GABBR1: variants seen among roughly 807,000 people sequenced by gnomAD.
GABBR1 encodes GABA-B receptor, R1 subunit.
Under a neutral mutation model 117.7 loss-of-function variants are expected in GABBR1, and 35 were observed. The ratio of observed to expected loss-of-function variants is 0.30; its 90% CI spans 0.23 to 0.39. GABBR1 has a LOEUF of 0.39. Among genes scored for constraint, GABBR1 ranks in the 10% least tolerant of loss-of-function variants. GABBR1 has a pLI of 1.00. For synonymous variants in GABBR1, 442 were observed against 486.6 expected (o/e 0.91, Z 1.21); for missense variants, 709 against 1,241.8 (o/e 0.57, Z 6.45).
Position 29,631,871 on chromosome 6 carries a change from A to G in GABBR1, c.86-272T>C, listed in dbSNP as rs1021979839. On this transcript the variant is annotated intron_variant, in intron 2 of 22. Transcript: ENST00000377034. This position sits in a 1 kb window ranked among gnomAD's most constrained non-coding sequence, Gnocchi z 5.9. ...GTGGAGGTAAGAAAGAAAAGTAATTAAGAAATCATGAAGGGTATGATATGT... is the reference window on the plus strand; with the variant it reads ...GTGGAGGTAAGAAAGAAAAGTAATTGAGAAATCATGAAGGGTATGATATGT... Among the ~76,000 whole-genome samples the G allele has an allele frequency of 1.3e-5, 2 of 151,932 alleles. No homozygotes were observed. Among genetic ancestry groups the G allele is most frequent in the Non-Finnish European group, 2.9e-5 (2 of 67,998 alleles).
At chr6:29,617,167 A>G (rs1763224151) in intron 11 of GABBR1, among the ~76,000 whole-genome samples, 1 of 152,066 alleles carries the variant, frequency 6.6e-6, no homozygotes, top group Non-Finnish European at 1.5e-5. Context: ...ATGTATAAAA[A>G]TGCTGGGTAT....
At position 29,602,581 on chromosome 6, in the gene GABBR1, G is replaced by T. The variant is rs560650788; in HGVS notation, c.*962C>A. The T allele has an allele frequency of 1.1e-5, 2 of 184,294 alleles. No individual in the cohort carries two copies. Among genetic ancestry groups the T allele is most frequent in the South Asian group, 2.1e-4 (2 of 9,438 alleles). The allele number at this position is 184,294 out of a possible 1,614,324, so 11.4% of individuals were successfully genotyped here. ...CTGTGACAAGGAGAGGGTGTGGATGGCCCCACCAAACATGAATTGGGGAAA... is the reference window on the plus strand; with the variant it reads ...CTGTGACAAGGAGAGGGTGTGGATGTCCCCACCAAACATGAATTGGGGAAA... On this transcript the variant is annotated 3_prime_UTR_variant, in exon 23 of 23. Coordinates refer to ENST00000377034, the MANE Select transcript of GABBR1 (RefSeq NM_001470.4).
rs1763596761 is a variant in GABBR1, at chr6:29,620,111, G to C, written c.1323+990C>G. On this transcript the variant is annotated intron_variant, in intron 11 of 22. Transcript: ENST00000377034. The surrounding 1 kb of genome is among the most constrained non-coding windows in gnomAD (Gnocchi z 4.5). ...GCAGTTTGGAGCCAGATTTAACTAG[G>C]ATTCAATTCCAGCTGGACTGCTGAG... Among the ~76,000 whole-genome samples the C allele has an allele frequency of 6.6e-6, 1 of 152,176 alleles. No individual in the cohort carries two copies. The highest frequency in any genetic ancestry group is 2.1e-4 in the South Asian group (1 of 4,828).
chr6:29,603,136 A>T lies in GABBR1; in HGVS notation c.*407T>A, dbSNP rs1761547177. ...GAGGCCCCTTTGGGGTGGAAAGAGC[A>T]CTTGTTGGGAGACCCCTGCTGGACA... On this transcript the variant is annotated 3_prime_UTR_variant, in exon 23 of 23. Transcript: ENST00000377034. 2.1e-6 allele frequency: 1 copy of T among 468,026 alleles called. No individual in the cohort carries two copies. The highest frequency in any genetic ancestry group is 2.0e-5 in the African/African-American group (1 of 50,504). The allele number at this position is 468,026 out of a possible 1,614,324, so 29.0% of individuals were successfully genotyped here. A position where few individuals can be genotyped will look rare whatever the true frequency, so the allele number is the denominator to read the frequency against.
chr6:29,622,083 C>T lies in GABBR1; in HGVS notation c.1065+21G>A, dbSNP rs944780165. On this transcript the variant is annotated intron_variant, in intron 9 of 22. Transcript: ENST00000377034. This position sits in a 1 kb window ranked among gnomAD's most constrained non-coding sequence, Gnocchi z 4.6. ...GCTTGGTCCCTCCGTAAACAGAGCCCACCACTCCCAGCCATCTGACCTTCA... is the reference window on the plus strand; with the variant it reads ...GCTTGGTCCCTCCGTAAACAGAGCCTACCACTCCCAGCCATCTGACCTTCA... The T allele has an allele frequency of 1.3e-6, 2 of 1,598,162 alleles. No individual in the cohort carries two copies. Among genetic ancestry groups the T allele is most frequent in the Middle Eastern group, 1.8e-4 (1 of 5,664 alleles).
In GABBR1 at chr6:29,607,391, G is replaced by A. The variant is rs1051063433; in HGVS notation, c.1993-173C>T. On this transcript the variant is annotated intron_variant, in intron 16 of 22. Transcript: ENST00000377034. The surrounding 1 kb of genome is among the most constrained non-coding windows in gnomAD (Gnocchi z 5.0). ...GACGGGGAGCGGCAGGAGGAGAGCAGTCTCCCCACCTTGAACAATTCCTCC... is the reference window on the plus strand; with the variant it reads ...GACGGGGAGCGGCAGGAGGAGAGCAATCTCCCCACCTTGAACAATTCCTCC... Among the ~76,000 whole-genome samples, 3 of 152,104 alleles carry A rather than the reference G, an allele frequency of 2.0e-5. No individual in the cohort carries two copies. The highest frequency in any genetic ancestry group is 4.4e-5 in the Non-Finnish European group (3 of 68,008).
rs959650230 is a variant in GABBR1 at position 29,627,219 on chromosome 6, C to G, written c.657+267G>C. Among the ~76,000 whole-genome samples the G allele has an allele frequency of 2.0e-5, 3 of 152,208 alleles. No individual in the cohort carries two copies. Among genetic ancestry groups the G allele is most frequent in the African/African-American group, 4.8e-5 (2 of 41,456 alleles). ...CCACCAGTTTCTCCAAACCCCGACA[C>G]TTCTGCGAGACTCCCGCAGCGGGGC... On this transcript the variant is annotated intron_variant, in intron 6 of 22. Transcript: ENST00000377034. The surrounding 1 kb of genome is among the most constrained non-coding windows in gnomAD (Gnocchi z 4.4).
chr6:29,603,568 C>CTCCCATCACA lies in GABBR1; in HGVS notation c.2851_2860dup (p.Ser954MetfsTer2). ...TCACTTATAAAGCAAATGCACTCGA[C>CTCCCATCACA]TCCCATCACAGCTAAGCCGGTCGGG... On this transcript the variant is annotated stop_gained and frameshift_variant, in exon 23 of 23. Coordinates refer to ENST00000377034, the MANE Select transcript of GABBR1 (RefSeq NM_001470.4). LOFTEE classifies it high-confidence loss of function. 1 of 1,590,212 alleles carries CTCCCATCACA rather than the reference C, an allele frequency of 6.3e-7. No individual in the cohort carries two copies. The highest frequency in any genetic ancestry group is 8.6e-7 in the Non-Finnish European group (1 of 1,168,812).
chr6:29,616,874 G>A lies in GABBR1; in HGVS notation c.1324-3389C>T, dbSNP rs543699232. ...AAAAAAAAAAAAAAAAAGGCTGGGCGCGGTGGCTCACGCCTGTAATCCCAG... is the reference window on the plus strand; with the variant it reads ...AAAAAAAAAAAAAAAAAGGCTGGGCACGGTGGCTCACGCCTGTAATCCCAG... On this transcript the variant is annotated intron_variant, in intron 11 of 22. Transcript: ENST00000377034. 8.3e-4 allele frequency among the ~76,000 whole-genome samples: 123 copies of A among 147,984 alleles called. 1 individual carries two copies. Among genetic ancestry groups the A allele is most frequent in the Admixed American group, 3.5e-3 (51 of 14,740 alleles).
Position 29,624,000 on chromosome 6 carries a change from A to G in GABBR1, c.682T>C (p.Tyr228His). 3 of 1,612,768 alleles carry G rather than the reference A, an allele frequency of 1.9e-6. No individual in the cohort carries two copies. Among genetic ancestry groups the G allele is most frequent in the Non-Finnish European group, 2.5e-6 (3 of 1,179,818 alleles). ...SKCDPGQATK[Y>H]LYELLYNDPI... ...TCGTTGTAGAGCAGCTCATATAGGT[A>G]CTTGGTGGCTTGGCCTGGATCACAC... Residue 228 changes from tyrosine to histidine, a missense_variant, in exon 7 of 23, where the codon TAC becomes CAC. By Grantham distance (83) the Tyr-to-His change is moderately conservative. Around this residue, in one of 9 missense-constraint regions of GABBR1, gnomAD observed 192 missense variants for 418.4 expected, o/e 0.46. Coordinates refer to ENST00000377034, the MANE Select transcript of GABBR1 (RefSeq NM_001470.4). The surrounding 1 kb of genome is among the most constrained non-coding windows in gnomAD (Gnocchi z 6.2).
Position 29,621,677 on chromosome 6 carries a change from G to T in GABBR1, c.1131+75C>A. ...ATATGCTATCAACTCAGGCACAGATGCCAAGAGGAGGCCCCACAAGAAAAC... is the reference window on the plus strand; with the variant it reads ...ATATGCTATCAACTCAGGCACAGATTCCAAGAGGAGGCCCCACAAGAAAAC... On this transcript the variant is annotated intron_variant, in intron 10 of 22. Coordinates refer to ENST00000377034, the MANE Select transcript of GABBR1 (RefSeq NM_001470.4). The surrounding 1 kb of genome is among the most constrained non-coding windows in gnomAD (Gnocchi z 5.0). 7.8e-7 allele frequency: 1 copy of T among 1,277,242 alleles called. No individual in the cohort carries two copies. The highest frequency in any genetic ancestry group is 1.1e-6 in the Non-Finnish European group (1 of 874,086). 79.1% of individuals were successfully genotyped at this position (1,277,242 alleles called of 1,614,324 possible).
rs771806546 is a variant in GABBR1 at position 29,603,465 on chromosome 6, C to G, written c.*78G>C. The G allele has an allele frequency of 4.6e-5, 59 of 1,273,034 alleles. No homozygotes were observed. The highest frequency in any genetic ancestry group is 6.2e-5 in the Non-Finnish European group (55 of 894,274). 78.9% of individuals were successfully genotyped at this position (1,273,034 alleles called of 1,614,324 possible). Reference sequence around the variant, plus strand: ...TGTTCTTCCCAGCTGGGGATGGGGACCCCCTGCTTCCTGAGTCCCCTGCCC... The same window carrying G: ...TGTTCTTCCCAGCTGGGGATGGGGAGCCCCTGCTTCCTGAGTCCCCTGCCC... On this transcript the variant is annotated 3_prime_UTR_variant, in exon 23 of 23. Transcript: ENST00000377034.
At position 29,604,484 on chromosome 6, in the gene GABBR1, A is replaced by G; in HGVS notation, c.2712+10T>C. The G allele has an allele frequency of 6.2e-7, 1 of 1,611,638 alleles. No homozygotes were observed. Among genetic ancestry groups the G allele is most frequent in the South Asian group, 1.1e-5 (1 of 90,988 alleles). ...ACTCCAACACCCTACCCTGACACCC[A>G]CCCCCGCACCTCAGCAATGATCTTT... is the stretch of plus-strand genomic sequence containing the variant. On this transcript the variant is annotated intron_variant, in intron 22 of 22. Coordinates refer to ENST00000377034, the MANE Select transcript of GABBR1 (RefSeq NM_001470.4). This position sits in a 1 kb window ranked among gnomAD's most constrained non-coding sequence, Gnocchi z 5.3.
chr6:29,602,664 T>G lies in GABBR1; in HGVS notation c.*879A>C. 3.9e-6 allele frequency: 1 copy of G among 258,888 alleles called. No homozygotes were observed. The highest frequency in any genetic ancestry group is 7.6e-6 in the Non-Finnish European group (1 of 131,870). 16.0% of individuals were successfully genotyped at this position (258,888 alleles called of 1,614,324 possible). ...TGGCTCTGTCAGAAGAATACCATGA[T>G]TTAAGGGAAGAAAGTACACAAGGTA... On this transcript the variant is annotated 3_prime_UTR_variant, in exon 23 of 23. Transcript: ENST00000377034.
rs1206763513 is a variant in GABBR1, at chr6:29,605,178, ACT to A, written c.2440-192_2440-191del. 1.5e-6 allele frequency: 1 copy of A among 654,728 alleles called. No homozygotes were observed. The highest frequency in any genetic ancestry group is 2.5e-6 in the Non-Finnish European group (1 of 400,784). 40.6% of individuals were successfully genotyped at this position (654,728 alleles called of 1,614,324 possible). A position where few individuals can be genotyped will look rare whatever the true frequency, so the allele number is the denominator to read the frequency against. On this transcript the variant is annotated intron_variant, in intron 20 of 22. Transcript: ENST00000377034. This position sits in a 1 kb window ranked among gnomAD's most constrained non-coding sequence, Gnocchi z 4.2. Reference sequence around the variant, plus strand: ...CTCAAACTGTCCCAAACCAGTTTTCACTCTTGGTTAACCCCTCCCCTCAAGGC... The same window carrying A: ...CTCAAACTGTCCCAAACCAGTTTTCACTTGGTTAACCCCTCCCCTCAAGGC...
rs1171869494 is a variant in GABBR1 at position 29,605,636 on chromosome 6, G to T, written c.2372C>A (p.Thr791Asn). The T allele has an allele frequency of 1.2e-6, 2 of 1,613,074 alleles. No individual in the cohort carries two copies. The highest frequency in any genetic ancestry group is 1.3e-5 in the African/African-American group (1 of 74,996). ...GATCTTCTCAGTGGACACACTCTTGGTCTCATAAGCAAGGAAGATTCCCAG... is the reference window on the plus strand; with the variant it reads ...GATCTTCTCAGTGGACACACTCTTGTTCTCATAAGCAAGGAAGATTCCCAG... ...LLLGIFLAYE[T>N]KSVSTEKIND... The change falls in exon 20 of 23, where the codon ACC becomes AAC. Residue 791 changes from threonine to asparagine, a missense_variant. Thr to Asn is a moderately conservative substitution (Grantham distance 65, BLOSUM62 0). Around this residue, in one of 9 missense-constraint regions of GABBR1, gnomAD observed 251 missense variants for 445.3 expected, o/e 0.56. Transcript: ENST00000377034. The surrounding 1 kb of genome is among the most constrained non-coding windows in gnomAD (Gnocchi z 4.2).
chr6:29,605,809 T>C lies in GABBR1; in HGVS notation c.2312-113A>G. On this transcript the variant is annotated intron_variant, in intron 19 of 22. Coordinates refer to ENST00000377034, the MANE Select transcript of GABBR1 (RefSeq NM_001470.4). The surrounding 1 kb of genome is among the most constrained non-coding windows in gnomAD (Gnocchi z 4.2). ...CTGAAATGGAAAGGGGGCCCTCCTCTCCAATCCAACCCCTCTGACCTAGCA... is the reference window on the plus strand; with the variant it reads ...CTGAAATGGAAAGGGGGCCCTCCTCCCCAATCCAACCCCTCTGACCTAGCA... 7.5e-7 allele frequency: 1 copy of C among 1,329,572 alleles called. No homozygotes were observed. The highest frequency in any genetic ancestry group is 1.4e-5 in the African/African-American group (1 of 69,288). 82.4% of individuals were successfully genotyped at this position (1,329,572 alleles called of 1,614,324 possible).
Position 29,602,989 on chromosome 6 carries a change from G to A in GABBR1, c.*554C>T, listed in dbSNP as rs572985761. On this transcript the variant is annotated 3_prime_UTR_variant, in exon 23 of 23. Coordinates refer to ENST00000377034, the MANE Select transcript of GABBR1 (RefSeq NM_001470.4). ...TGAGTGCACAGAGCAGAGGCAAGGA[G>A]CATGTGAGCCTTGGCGAAAAGAATG... 21 of 456,820 alleles carry A rather than the reference G, an allele frequency of 4.6e-5. No individual in the cohort carries two copies. The highest frequency in any genetic ancestry group is 3.3e-4 in the Middle Eastern group (1 of 3,076). 28.3% of individuals were successfully genotyped at this position (456,820 alleles called of 1,614,324 possible).
Position 29,604,950 on chromosome 6 carries a change from C to G in GABBR1, c.2478G>C (p.Leu826=). 6.2e-7 allele frequency: 1 copy of G among 1,612,948 alleles called. No homozygotes were observed. Among genetic ancestry groups the G allele is most frequent in the East Asian group, 2.2e-5 (1 of 44,884 alleles). The change falls in exon 21 of 23, where the codon CTG becomes CTC. Residue 826 remains leucine, a synonymous_variant. Transcript: ENST00000377034. This position sits in a 1 kb window ranked among gnomAD's most constrained non-coding sequence, Gnocchi z 5.3. Reference sequence around the variant, plus strand: ...CAAAGGCTGCATCCTGCTGGCTGGACAGAATCATGGTGACAGGAGCAGTGA... The same window carrying G: ...CAAAGGCTGCATCCTGCTGGCTGGAGAGAATCATGGTGACAGGAGCAGTGA... ...CLITAPVTMI[L]SSQQDAAFAF... is the part of the protein sequence containing the mutation.
Sources: allele counts gnomAD v4.1 joint callset (sites outside exome capture counted in the v4.1 genomes callset), GRCh38; gene constraint gnomAD v4.1.1; regional missense constraint gnomAD v4.1.1; non-coding constraint Gnocchi (gnomAD v3.1); transcripts MANE v1.5; gene names NCBI Gene and HGNC (gene_info 2026-07-23, HGNC 2026-07-21).